The following TPO variants were observed in gnomAD, a reference collection of about 807,000 sequenced individuals.
TPO encodes the protein thyroid microsomal antigen.
Under a neutral mutation model 96.9 loss-of-function variants are expected in TPO, and 78 were observed. The ratio of observed to expected loss-of-function variants is 0.81; its 90% CI spans 0.67 to 0.97. The LOEUF is 0.97. Among genes scored for constraint, TPO ranks in the 50% least tolerant of loss-of-function variants. The pLI is 0.00. For synonymous variants in TPO, 547 were observed against 538.0 expected, an observed-to-expected ratio of 1.02 and a Z score of -0.23; for missense variants, 1,252 against 1,274.8, an observed-to-expected ratio of 0.98 and a Z score of 0.27.
At chr2:1,382,866 T>G in intron 1 of TPO, among the ~76,000 whole-genome samples, 1 of 118,230 alleles carries the variant, frequency 8.5e-6, no homozygotes, top group East Asian at 2.9e-4. Flanking sequence ...CCTAATGCTA[T>G]CCCTCCCCCC....
intron 14 of TPO, among the ~76,000 whole-genome samples, chr2:1,515,910 C>G (rs932293101): frequency 2.6e-5 from 4 of 152,046 alleles, no homozygotes; most frequent in African/African-American, 9.7e-5. Context: ...AAAAAAAACG[C>G]TGATTGGTAG....
intron 15 of TPO, among the ~76,000 whole-genome samples, chr2:1,521,813 G>C (rs574216429): frequency 6.6e-6 from 1 of 152,112 alleles, no homozygotes; most frequent in Admixed American, 6.5e-5. Context: ...CGTCTGCCCT[G>C]GAAATGAGCA....
intron 5 of TPO, among the ~76,000 whole-genome samples, chr2:1,443,107 T>A (rs1666353332): frequency 6.6e-6 from 1 of 152,132 alleles, no homozygotes; most frequent in South Asian, 2.1e-4. Context: ...ATTTCTTGAG[T>A]TTTGATCTGA....
intron 9 of TPO, among the ~76,000 whole-genome samples, chr2:1,487,308 C>T (rs568048187): frequency 2.6e-5 from 4 of 152,338 alleles, no homozygotes; most frequent in Non-Finnish European, 5.9e-5. Context: ...GGTCCATCCC[C>T]CATGAGCCAC....
intron 1 of TPO, among the ~76,000 whole-genome samples, chr2:1,389,025 T>C (rs563504480): frequency 6.6e-6 from 1 of 152,332 alleles, no homozygotes; most frequent in East Asian, 1.9e-4. Flanking sequence ...TTTTTTTGTG[T>C]TTTATTTTTT....
chr2:1,479,633 G>C (rs1269447800), intron 8 of TPO, among the ~76,000 whole-genome samples: 1 of 152,128 alleles, frequency 6.6e-6, no homozygotes, highest in Non-Finnish European at 1.5e-5. Context: ...ATTATTACCA[G>C]GCCCAGTCAT....
At chr2:1,498,722 C>T (rs997611535) in intron 13 of TPO, among the ~76,000 whole-genome samples, 14 of 152,212 alleles carry the variant, frequency 9.2e-5, no homozygotes, top group African/African-American at 3.1e-4. Flanking sequence ...CACAACTACT[C>T]TGTCGGGTGA....
intron 5 of TPO, among the ~76,000 whole-genome samples, chr2:1,452,446 A>G (rs11690515): frequency 0.93 from 141,476 of 152,278 alleles, 65,796 homozygotes; most frequent in South Asian, 0.98. Flanking sequence ...TGTCTCCTCA[A>G]AAGTATTCCA....
intron 13 of TPO, among the ~76,000 whole-genome samples, chr2:1,500,971 CAAAAAAAA>C (rs1234875187): frequency 9.1e-6 from 1 of 110,496 alleles, no homozygotes; most frequent in Non-Finnish European, 1.9e-5. Flanking sequence ...GACTCCCTCT[CAAAAAAAA>C]AAAAAAAAAC....
intron 1 of TPO, among the ~76,000 whole-genome samples, chr2:1,405,244 T>C (rs2148380645): frequency 6.7e-6 from 1 of 150,278 alleles, no homozygotes; most frequent in Middle Eastern, 3.5e-3. Flanking sequence ...TATCCATCCA[T>C]CCATCCATCA....
At chr2:1,512,633 G>A (rs944788214) in intron 14 of TPO, among the ~76,000 whole-genome samples, 5 of 152,230 alleles carry the variant, frequency 3.3e-5, no homozygotes, top group Non-Finnish European at 2.9e-5. Flanking sequence ...GCAGCTGGCT[G>A]CCTCCGAGGA....
chr2:1,493,504 T>C (rs367855237), intron 10 of TPO, among the ~76,000 whole-genome samples: 1 of 87,814 alleles, frequency 1.1e-5, no homozygotes, highest in Admixed American at 1.3e-4. Flanking sequence ...TGAGCTGGAA[T>C]ATCCTAGCCT....
At chr2:1,432,005 G>A (rs1665021669) in intron 3 of TPO, among the ~76,000 whole-genome samples, 1 of 152,200 alleles carries the variant, frequency 6.6e-6, no homozygotes, top group Non-Finnish European at 1.5e-5. Context: ...CTTGCTCTAG[G>A]ACCTGTCCAC....
intron 13 of TPO, among the ~76,000 whole-genome samples, chr2:1,499,498 G>C (rs1009723567): frequency 6.6e-6 from 1 of 152,156 alleles, no homozygotes; most frequent in African/African-American, 2.4e-5. Flanking sequence ...GGCATGGTGC[G>C]TGCACAGCAG....
chr2:1,478,403 G>C (rs1670193605), intron 8 of TPO: 1 of 984,992 alleles, frequency 1.0e-6, no homozygotes, highest in Admixed American at 6.1e-5. Flanking sequence ...GGAGCCTGCA[G>C]GGAGGTGCGC....
intron 3 of TPO, among the ~76,000 whole-genome samples, chr2:1,428,865 TCTG>T (rs551314512): frequency 6.2e-4 from 95 of 152,276 alleles, no homozygotes; most frequent in African/African-American, 2.2e-3. Context: ...ACACTCTGGC[TCTG>T]CTGCTGCTGT....
intron 1 of TPO, among the ~76,000 whole-genome samples, chr2:1,375,763 T>C (rs1016552213): frequency 4.6e-5 from 7 of 152,090 alleles, no homozygotes; most frequent in African/African-American, 1.7e-4. Flanking sequence ...CTGAGCACCC[T>C]CATTTCCAAC....
At chr2:1,506,896 C>A (rs1673524746) in intron 14 of TPO, among the ~76,000 whole-genome samples, 1 of 152,018 alleles carries the variant, frequency 6.6e-6, no homozygotes, top group African/African-American at 2.4e-5. Context: ...TAATTAGATC[C>A]CATTTGTCAA....
At chr2:1,460,026 C>T (rs1211587189) in intron 7 of TPO, among the ~76,000 whole-genome samples, 1 of 151,940 alleles carries the variant, frequency 6.6e-6, no homozygotes, top group Non-Finnish European at 1.5e-5. Flanking sequence ...ACCTCCGCCT[C>T]CCGGATATAA....
Sources: gnomAD v4.1 joint callset for allele counts (sites outside exome capture counted in the v4.1 genomes callset) on GRCh38, gnomAD v4.1.1 for gene constraint, MANE v1.5 for transcripts, NCBI Gene and HGNC (gene_info 2026-07-23, HGNC 2026-07-21) for gene names.